Variants in NDUFB7 observed in about 807,000 individuals in gnomAD.
NDUFB7 encodes the protein NADH dehydrogenase [ubiquinone] 1 beta subcomplex subunit 7.
In NDUFB7, 18 loss-of-function variants were observed where a neutral mutation model predicts 14.7. The ratio of observed to expected loss-of-function variants is 1.22; its 90% CI spans 0.85 to 1.81. NDUFB7 has a LOEUF of 1.81. Ranked by LOEUF, NDUFB7 falls within the 40% of genes most tolerant of loss-of-function variation. The pLI is 0.00. For missense variants in NDUFB7, 219 were observed against 195.0 expected, an observed-to-expected ratio of 1.12 and a Z score of -0.73; for synonymous variants, 86 against 76.1, an observed-to-expected ratio of 1.13 and a Z score of -0.68.
chr19:14,566,769 G>C lies in NDUFB7; in HGVS notation c.277C>G (p.Arg93Gly). The change falls in exon 2 of 3, where the codon CGC (arginine) becomes GGC (glycine). Residue 93 changes from arginine (R) to glycine (G), a missense_variant. Transcript: ENST00000215565. ...GGCTGGTGTGGGGGTGCTCACTCGC[G>C]GTGCTCGCAGTAGTCCCAGTCGTGC... ...ERHDWDYCEH[R>G]DYVMRMKEFE... 1 of 1,543,718 alleles carries C rather than the reference G, an allele frequency of 6.5e-7. No individual in the cohort carries two copies. Among genetic ancestry groups the C allele is most frequent in the Non-Finnish European group, 8.7e-7 (1 of 1,146,296 alleles).
At chr19:14,566,333 G>A (rs1042472666) in intron 2 of NDUFB7, 68 bp from the exon 3 acceptor site, 35 of 1,606,338 alleles carry the variant, frequency 2.2e-5, no homozygotes, top group Non-Finnish European at 2.9e-5. Flanking sequence ...GCCCTGGGAA[G>A]CGGAGGGGCC....
chr19:14,570,083 G>C (rs2074116542), intron 1 of NDUFB7, among the ~76,000 whole-genome samples: 1 of 152,124 alleles, frequency 6.6e-6, no homozygotes, highest in South Asian at 2.1e-4. Flanking sequence ...GTAGAGTAGA[G>C]ACGGGGTTTC....
At chr19:14,569,277 G>A (rs1233975217) in intron 1 of NDUFB7, among the ~76,000 whole-genome samples, 1 of 152,094 alleles carries the variant, frequency 6.6e-6, no homozygotes, top group Admixed American at 6.6e-5. Context: ...CCGGTCAGCA[G>A]GGACTGCAGG....
Position 14,572,031 on chromosome 19 carries a change from C to T in NDUFB7, c.-31G>A, listed in dbSNP as rs1444762719. 7 of 1,519,344 alleles carry T rather than the reference C, an allele frequency of 4.6e-6. No homozygotes were observed. The highest frequency in any genetic ancestry group is 1.8e-4 in the Middle Eastern group (1 of 5,586). The allele number at this position is 1,519,344 out of a possible 1,614,324, so 94.1% of individuals were successfully genotyped here. A position where few individuals can be genotyped will look rare whatever the true frequency, so the allele number is the denominator to read the frequency against. The stretch of plus-strand genomic sequence containing the variant: ...CAGTCGCTGCAGATCCCTGCAGCAG[C>T]CGAGGGTCACCTAGCTCCTACCCGG... On this transcript the variant is annotated 5_prime_UTR_variant, in exon 1 of 3. Coordinates refer to ENST00000215565, the MANE Select transcript of NDUFB7 (RefSeq NM_004146.6).
chr19:14,566,814 G>A lies in NDUFB7; in HGVS notation c.232C>T (p.Leu78=), dbSNP rs372282299. 1.9e-6 allele frequency: 3 copies of A among 1,549,016 alleles called. No homozygotes were observed. Among genetic ancestry groups the A allele is most frequent in the Non-Finnish European group, 2.6e-6 (3 of 1,147,822 alleles). Reference sequence around the variant, plus strand: ...TCGTGCCGCTCCTGCTTGCAGGCCAGGAAGTTGGGGAAGCTGTCACGCTTG... The same window carrying A: ...TCGTGCCGCTCCTGCTTGCAGGCCAAGAAGTTGGGGAAGCTGTCACGCTTG... ...KCKRDSFPNF[L]ACKQERHDWD... is the part of the protein sequence containing the mutation. The change falls in exon 2 of 3, where the codon CTG becomes TTG. Residue 78 remains leucine, a synonymous_variant. Transcript: ENST00000215565.
intron 2 of NDUFB7, 89 bp downstream of exon 2, chr19:14,566,675 TG>T: frequency 6.3e-6 from 4 of 631,718 alleles, no homozygotes; most frequent in Non-Finnish European, 8.3e-6. Flanking sequence ...GCTGGGCATG[TG>T]GGGGGCTTGG....
At chr19:14,569,143 G>A (rs2074110103) in intron 1 of NDUFB7, among the ~76,000 whole-genome samples, 1 of 151,900 alleles carries the variant, frequency 6.6e-6, no homozygotes, top group South Asian at 2.1e-4. Flanking sequence ...GCTGAAAGGG[G>A]GTGGAAAGGA....
chr19:14,571,892 GC>G lies in NDUFB7; in HGVS notation c.108del (p.Glu36AspfsTer11), dbSNP rs779070394. 114 of 1,607,910 alleles carry G rather than the reference GC, an allele frequency of 7.1e-5. No homozygotes were observed. Among genetic ancestry groups the G allele is most frequent in the Non-Finnish European group, 9.0e-5 (106 of 1,178,050 alleles). On this transcript the variant is annotated frameshift_variant, in exon 1 of 3. Coordinates refer to ENST00000215565, the MANE Select transcript of NDUFB7 (RefSeq NM_004146.6). LOFTEE classifies it high-confidence loss of function. ...GCGCCTGCGCACTGGGCCTCACCGCGCTCCTTGCGTTCGGGGAAGCCGTAGT... is the reference window on the plus strand; with the variant it reads ...GCGCCTGCGCACTGGGCCTCACCGCGTCCTTGCGTTCGGGGAAGCCGTAGT... ...PPDYGFPERK[E>X]REMVATQQEM...
rs1290523993 is a variant in NDUFB7, at chr19:14,566,890, C to T, written c.156G>A (p.Arg52=). The part of the protein sequence containing the change: ...TQQEMMDAQL[R]LQLRDYCAHH... ...GGGCGCAGTAGTCCCGCAGCTGGAG[C>T]CTCAGCTGCGCGTCCATCATCTCCT... The change falls in exon 2 of 3, where the codon AGG becomes AGA. Residue 52 remains arginine, a synonymous_variant. Transcript: ENST00000215565. 6 of 1,582,444 alleles carry T rather than the reference C, an allele frequency of 3.8e-6. No homozygotes were observed. The highest frequency in any genetic ancestry group is 1.8e-5 in the Admixed American group (1 of 56,254).
chr19:14,566,845 G>T lies in NDUFB7; in HGVS notation c.201C>A (p.Leu67=), dbSNP rs1048161015. 59 of 1,563,494 alleles carry T rather than the reference G, an allele frequency of 3.8e-5. No homozygotes were observed. Among genetic ancestry groups the T allele is most frequent in the Non-Finnish European group, 4.7e-5 (54 of 1,155,932 alleles). The change falls in exon 2 of 3, where the codon CTC becomes CTA. Residue 67 remains leucine (L), a synonymous_variant. Coordinates refer to ENST00000215565, the MANE Select transcript of NDUFB7 (RefSeq NM_004146.6). The stretch of plus-strand genomic sequence containing the variant: ...TGGGGAAGCTGTCACGCTTGCACTT[G>T]AGCAGCCGGATGAGGTGGTGGGCGC... ...DYCAHHLIRL[L]KCKRDSFPNF... is the part of the protein sequence containing the mutation.
chr19:14,566,659 G>C (rs1599512968), intron 2 of NDUFB7, 106 bp downstream of exon 2: 4 of 1,044,778 alleles, frequency 3.8e-6, no homozygotes, highest in Non-Finnish European at 5.4e-6. Flanking sequence ...AGGGGGGCTT[G>C]GGCGGGCTGG....
rs764414866 is a variant in NDUFB7, at chr19:14,571,839, A to G, written c.112+50T>C. 22 of 1,537,278 alleles carry G rather than the reference A, an allele frequency of 1.4e-5. No individual in the cohort carries two copies. The South Asian group carries it at 2.2e-4, about 16-fold the overall frequency. On this transcript the variant is annotated intron_variant, in intron 1 of 2. Coordinates refer to ENST00000215565, the MANE Select transcript of NDUFB7 (RefSeq NM_004146.6). ...GCCAGCCCTGGGGTGCCAGGTGTTC[A>G]GGCACCCGCGCCCCACGCCCTCTGG...
At chr19:14,566,639 CGGGGGTGGGA>C (rs1568436430) in intron 2 of NDUFB7, 116 bp downstream of exon 2, 1 of 539,356 alleles carries the variant, frequency 1.9e-6, no homozygotes, top group East Asian at 4.7e-5. Context: ...TGGGTGTTGG[CGGGGGTGGGA>C]GGGGGGCTTG....
chr19:14,568,975 G>C (rs571303929), intron 1 of NDUFB7, among the ~76,000 whole-genome samples: 1 of 152,164 alleles, frequency 6.6e-6, no homozygotes, highest in East Asian at 2.0e-4. Context: ...AGAAGTTCGA[G>C]ATCAGCCTGG....
At chr19:14,571,816 C>T in intron 1 of NDUFB7, 73 bp downstream of exon 1, 1 of 1,421,236 alleles carries the variant, frequency 7.0e-7, no homozygotes, top group Non-Finnish European at 9.7e-7. Flanking sequence ...CCTGGGGTGC[C>T]AGCCCTGGGG....
At chr19:14,568,708 G>T (rs950401077) in intron 1 of NDUFB7, among the ~76,000 whole-genome samples, 1 of 152,126 alleles carries the variant, frequency 6.6e-6, no homozygotes, top group Non-Finnish European at 1.5e-5. Context: ...AGCACAGAAA[G>T]ATCCCATGTC....
Position 14,571,882 on chromosome 19 carries a change from G to T in NDUFB7, c.112+7C>A. 1 of 1,604,044 alleles carries T rather than the reference G, an allele frequency of 6.2e-7. No homozygotes were observed. Among genetic ancestry groups the T allele is most frequent in the Non-Finnish European group, 8.5e-7 (1 of 1,176,398 alleles). ...CCCTCTGGCTGCGCCTGCGCACTGG[G>T]CCTCACCGCGCTCCTTGCGTTCGGG... On this transcript the variant is annotated splice_region_variant and intron_variant, in intron 1 of 2. Transcript: ENST00000215565.
chr19:14,568,798 G>A (rs1225557563), intron 1 of NDUFB7, among the ~76,000 whole-genome samples: 2 of 151,988 alleles, frequency 1.3e-5, no homozygotes, highest in African/African-American at 2.4e-5. Flanking sequence ...TTGAACCCAG[G>A]AGTTTGAGGC....
rs9543 is a variant in NDUFB7 at position 14,571,992 on chromosome 19, G to T, written c.9C>A (p.Ala3=). 6.3e-7 allele frequency: 1 copy of T among 1,596,866 alleles called. No homozygotes were observed. The highest frequency in any genetic ancestry group is 8.5e-7 in the Non-Finnish European group (1 of 1,172,398). The part of the protein sequence containing the change: MG[A]HLVRRYLGDA... The stretch of plus-strand genomic sequence containing the variant: ...CGCCCAGGTAGCGCCGGACCAGGTG[G>T]GCCCCCATGGCTGCAGTCGCTGCAG... Residue 3 remains alanine (A), a synonymous_variant, in exon 1 of 3, where the codon GCC becomes GCA. Coordinates refer to ENST00000215565, the MANE Select transcript of NDUFB7 (RefSeq NM_004146.6).
Sources: allele counts gnomAD v4.1 joint callset (sites outside exome capture counted in the v4.1 genomes callset), GRCh38; gene constraint gnomAD v4.1.1; transcripts MANE v1.5; gene names NCBI Gene and HGNC (gene_info 2026-07-23, HGNC 2026-07-21).